The following NKX6-3 variants were observed in gnomAD, a reference collection of about 807,000 sequenced individuals.
The protein encoded by NKX6-3 is NK6 homeobox 3.
A neutral mutation model predicts 22.0 loss-of-function variants in NKX6-3; 17 were observed. The observed-to-expected ratio is 0.77, with a 90% confidence interval of 0.53 to 1.16. NKX6-3 has a LOEUF of 1.16. Among genes scored for constraint, NKX6-3 ranks in the 50% most tolerant of loss-of-function variants. The pLI, the probability that NKX6-3 is intolerant of heterozygous loss-of-function variation, is 0.00. For missense variants in NKX6-3, 363 were observed against 359.0 expected (o/e 1.01, Z -0.09); for synonymous variants, 177 against 167.2 (o/e 1.06, Z -0.45).
At chr8:41,647,122 T>C (rs552996934) in intron 2 of NKX6-3, 2 of 1,510,174 alleles carry the variant, frequency 1.3e-6, no homozygotes, top group Admixed American at 3.6e-5. Flanking sequence ...TCATAAATAA[T>C]TGTTCCCCTA....
chr8:41,650,422 G>C lies in NKX6-3; in HGVS notation c.71C>G (p.Ala24Gly), dbSNP rs752823489. ...TPLAQFPEMK[A>G]PVCQYSVQNS... ...CTGCACAGAGTACTGGCACACCGGG[G>C]CCTTCATCTCCGGAAACTGAGCCAG... The change falls in exon 1 of 3, where the codon GCC (alanine) becomes GGC (glycine). Residue 24 changes from alanine (A) to glycine (G), a missense_variant. This residue lies in a region of NKX6-3 where 175 missense variants were observed against 160.9 expected (regional missense o/e 1.09). Transcript: ENST00000518699. 1 of 1,535,586 alleles carries C rather than the reference G, an allele frequency of 6.5e-7. No homozygotes were observed. The highest frequency in any genetic ancestry group is 2.0e-5 in the Admixed American group (1 of 50,970).
chr8:41,646,474 A>G lies in NKX6-3; in HGVS notation c.773T>C (p.Leu258Pro). Residue 258 changes from leucine to proline, a missense_variant, in exon 3 of 3, where the codon CTC becomes CCC. By Grantham distance (98) the Leu-to-Pro change is moderately conservative. Around this residue, in one of 3 missense-constraint regions of NKX6-3, gnomAD observed 169 missense variants for 155.8 expected, o/e 1.08. Coordinates refer to ENST00000518699, the MANE Select transcript of NKX6-3 (RefSeq NM_001364841.2). ...LRKHRAAFSV[L>P]SLGAHSV ...TCAGACGCTGTGCGCTCCCAGGCTG[A>G]GCACCGAGAAGGCGGCGCGGTGCTT... 3 of 1,605,884 alleles carry G rather than the reference A, an allele frequency of 1.9e-6. No individual in the cohort carries two copies. Among genetic ancestry groups the G allele is most frequent in the Non-Finnish European group, 2.5e-6 (3 of 1,177,282 alleles).
In NKX6-3 at chr8:41,646,639, G is replaced by C; in HGVS notation, c.608C>G (p.Ser203Trp). 6.4e-7 allele frequency: 1 copy of C among 1,551,560 alleles called. No homozygotes were observed. The highest frequency in any genetic ancestry group is 1.2e-5 in the South Asian group (1 of 84,550). ...GCCCGGGGCCCGGGGCGTGGAGGAC[G>C]AGGGCTCCAGGGCGCTCTTCTTCCG... ...KWRKKSALEP[S>W]SSTPRAPGGA... The change falls in exon 3 of 3, where the codon TCG (serine) becomes TGG (tryptophan). Residue 203 changes from serine (S) to tryptophan (W), a missense_variant. Around this residue, in one of 3 missense-constraint regions of NKX6-3, gnomAD observed 169 missense variants for 155.8 expected, o/e 1.08. Coordinates refer to ENST00000518699, the MANE Select transcript of NKX6-3 (RefSeq NM_001364841.2).
chr8:41,649,208 C>T (rs1280454644), intron 1 of NKX6-3, among the ~76,000 whole-genome samples: 1 of 152,196 alleles, frequency 6.6e-6, no homozygotes, highest in Non-Finnish European at 1.5e-5. Context: ...CTGTCAGGCA[C>T]TGTGACCGGC....
At chr8:41,647,432 C>A in intron 2 of NKX6-3, 1 of 1,407,588 alleles carries the variant, frequency 7.1e-7, no homozygotes, top group African/African-American at 1.8e-5. Context: ...GCGGTAGAAA[C>A]CGGTTTCCCC....
chr8:41,648,633 C>A (rs4736999), intron 1 of NKX6-3, among the ~76,000 whole-genome samples: 13 of 152,084 alleles, frequency 8.5e-5, no homozygotes, highest in African/African-American at 3.1e-4. Flanking sequence ...TCCCTCCACC[C>A]CCGGCTTCCG....
At position 41,648,831 on chromosome 8, in the gene NKX6-3, C is replaced by T. The variant is rs181831609; in HGVS notation, c.383-596G>A. ...CCCAGCCTGGCCAGGGCAGCAGGCT[C>T]GGGAAGGAGCTGTGGGCAGTGGTTC... On this transcript the variant is annotated intron_variant, in intron 1 of 2. Coordinates refer to ENST00000518699, the MANE Select transcript of NKX6-3 (RefSeq NM_001364841.2). Among the ~76,000 whole-genome samples the T allele has an allele frequency of 1.5e-4, 23 of 152,326 alleles. No homozygotes were observed. The East Asian group carries it at 3.9e-3, about 26-fold the overall frequency.
chr8:41,650,441 G>A lies in NKX6-3; in HGVS notation c.52C>T (p.Gln18Ter), dbSNP rs1308555094. The A allele has an allele frequency of 1.3e-6, 2 of 1,535,634 alleles. No homozygotes were observed. The highest frequency in any genetic ancestry group is 1.4e-5 in the African/African-American group (1 of 73,028). ...TFLLNNTPLAQFPEMKAPVCQ... is the reference protein window; with the variant it reads ...TFLLNNTPLA ...ACCGGGGCCTTCATCTCCGGAAACT[G>A]AGCCAGCGGCGTGTTGTTCAGCAGG... The change falls in exon 1 of 3, where the codon CAG becomes TAG. Residue 18 changes from glutamine to a stop codon, truncating the protein, a stop_gained. Transcript: ENST00000518699. LOFTEE classifies it high-confidence loss of function.
In NKX6-3 at chr8:41,650,639, C is replaced by T. The variant is rs964895434; in HGVS notation, c.-147G>A. 1.9e-5 allele frequency: 16 copies of T among 841,314 alleles called. No homozygotes were observed. Among genetic ancestry groups the T allele is most frequent in the Admixed American group, 5.9e-5 (2 of 33,676 alleles). The allele number at this position is 841,314 out of a possible 1,614,324, so 52.1% of individuals were successfully genotyped here. A position where few individuals can be genotyped will look rare whatever the true frequency, so the allele number is the denominator to read the frequency against. ...TCCCACCTAAGGCATGGGCCAGGCC[C>T]TGGCCCAGGAACCGGCACCCGATCA... On this transcript the variant is annotated 5_prime_UTR_variant, in exon 1 of 3. Transcript: ENST00000518699.
intron 1 of NKX6-3, among the ~76,000 whole-genome samples, chr8:41,649,504 CT>C (rs752583062): frequency 6.6e-6 from 1 of 152,222 alleles, no homozygotes; most frequent in Non-Finnish European, 1.5e-5. Context: ...AAGAGGCCCC[CT>C]GCTTCCCCAC....
intron 1 of NKX6-3, among the ~76,000 whole-genome samples, chr8:41,648,818 A>G (rs994349858): frequency 1.3e-5 from 2 of 152,228 alleles, no homozygotes; most frequent in African/African-American, 4.8e-5. Flanking sequence ...CAGCCTGGCC[A>G]GGGCAGCAGG....
chr8:41,646,710 A>C lies in NKX6-3; in HGVS notation c.553-16T>G. 1 of 1,535,716 alleles carries C rather than the reference A, an allele frequency of 6.5e-7. No homozygotes were observed. Among genetic ancestry groups the C allele is most frequent in the Non-Finnish European group, 8.7e-7 (1 of 1,145,526 alleles). ...GGAACCACACCTGCGATGAGAAAGA[A>C]TGTGAAGGGCACAGGGGCACAGCGC... On this transcript the variant is annotated splice_polypyrimidine_tract_variant and intron_variant, in intron 2 of 2. Coordinates refer to ENST00000518699, the MANE Select transcript of NKX6-3 (RefSeq NM_001364841.2).
rs144689508 is a variant in NKX6-3, at chr8:41,646,560, G to A, written c.687C>T (p.Asp229=). 151 of 1,607,570 alleles carry A rather than the reference G, an allele frequency of 9.4e-5. No individual in the cohort carries two copies. The highest frequency in any genetic ancestry group is 1.7e-4 in the Middle Eastern group (1 of 6,034). ...CGGGGTCCAGCGGCTTGTTGTACTC[G>A]TCGTCCTCGTTCTCCGAGGGTGCGC... ...GDRAPSENED[D]EYNKPLDPDS... The change falls in exon 3 of 3, where the codon GAC becomes GAT. Residue 229 remains aspartate, a synonymous_variant. Transcript: ENST00000518699.
At chr8:41,649,470 TGGCTGAGGGATG>T (rs1313754255) in intron 1 of NKX6-3, among the ~76,000 whole-genome samples, 1 of 152,146 alleles carries the variant, frequency 6.6e-6, no homozygotes, top group African/African-American at 2.4e-5. Context: ...CTGAAAACCT[TGGCTGAGGGATG>T]GGTCGGCTGA....
At chr8:41,648,571 A>T (rs76025734) in intron 1 of NKX6-3, among the ~76,000 whole-genome samples, 8,052 of 152,244 alleles carry the variant, frequency 0.053, 279 homozygotes, top group African/African-American at 0.1. Context: ...TGTCCCAGGG[A>T]TGTCCCTTCA....
chr8:41,649,867 G>A (rs1318034559), intron 1 of NKX6-3, among the ~76,000 whole-genome samples: 1 of 152,156 alleles, frequency 6.6e-6, no homozygotes, highest in African/African-American at 2.4e-5. Context: ...GGCCCTAGGA[G>A]GGCAGCTGAG....
Position 41,650,592 on chromosome 8 carries a change from C to A in NKX6-3, c.-100G>T, listed in dbSNP as rs1019128231. ...CATGGCAGGCCTGGAGGCTTAGGAC[C>A]GTCTCCGAGCTCCTGACTGCCTCCC... On this transcript the variant is annotated 5_prime_UTR_variant, in exon 1 of 3. Transcript: ENST00000518699. 4.9e-6 allele frequency: 6 copies of A among 1,223,780 alleles called. No homozygotes were observed. Among genetic ancestry groups the A allele is most frequent in the Non-Finnish European group, 6.7e-6 (6 of 899,824 alleles). 75.8% of individuals were successfully genotyped at this position (1,223,780 alleles called of 1,614,324 possible).
chr8:41,646,996 A>C (rs1585694507), intron 2 of NKX6-3, among the ~76,000 whole-genome samples: 2 of 102,570 alleles, frequency 1.9e-5, no homozygotes, highest in African/African-American at 3.9e-5. Flanking sequence ...CTCCTCCTCC[A>C]CCTGGGAACT....
intron 2 of NKX6-3, among the ~76,000 whole-genome samples, chr8:41,647,865 G>A (rs1031062036): frequency 6.6e-6 from 1 of 152,172 alleles, no homozygotes. Context: ...CGCACATAAG[G>A]CTCTGAGAAT....
Sources: gnomAD v4.1 joint callset for allele counts (sites outside exome capture counted in the v4.1 genomes callset) on GRCh38, gnomAD v4.1.1 for gene constraint, gnomAD v4.1.1 regional missense constraint, MANE v1.5 for transcripts, NCBI Gene and HGNC (gene_info 2026-07-23, HGNC 2026-07-21) for gene names.